The following SLC8A1 variants were observed in gnomAD, a reference collection of about 807,000 sequenced individuals.
SLC8A1 encodes solute carrier family 8 member A1.
SLC8A1 carries 18 observed loss-of-function variants against 68.3 expected under a neutral mutation model. That is an observed-to-expected ratio of 0.26 (90% CI 0.18 to 0.39). The LOEUF is 0.39. SLC8A1 is among the 10% of genes least tolerant of loss of function. SLC8A1 has a pLI of 1.00. For missense variants in SLC8A1, 985 were observed against 1,156.7 expected (o/e 0.85, Z 2.15); for synonymous variants, 475 against 415.5 (o/e 1.14, Z -1.74).
intron 6 of SLC8A1, among the ~76,000 whole-genome samples, chr2:40,159,104 C>G (rs2045180748): frequency 6.6e-6 from 1 of 152,172 alleles, no homozygotes; most frequent in African/African-American, 2.4e-5. Flanking sequence ...CTTAATAGGT[C>G]TATTGATGGG....
chr2:40,386,975 G>C (rs1683767231), intron 2 of SLC8A1, among the ~76,000 whole-genome samples: 3 of 151,294 alleles, frequency 2.0e-5, no homozygotes, highest in African/African-American at 2.5e-5. Flanking sequence ...GTGTACACTT[G>C]AATAAAGAGA....
chr2:40,105,994 A>T (rs1167003642), exon 8 of SLC8A1: 1 of 152,190 alleles, frequency 6.6e-6, no homozygotes, highest in Non-Finnish European at 1.5e-5. Flanking sequence ...TTGGGCGCTG[A>T]TGTGTTAATG....
chr2:40,239,013 G>C (rs1350415452), intron 2 of SLC8A1, among the ~76,000 whole-genome samples: 1 of 151,330 alleles, frequency 6.6e-6, no homozygotes, highest in African/African-American at 2.4e-5. Flanking sequence ...TATTGAGGCA[G>C]TATAGTTCCC....
intron 2 of SLC8A1, among the ~76,000 whole-genome samples, chr2:40,271,909 C>T (rs12617082): frequency 1.1e-4 from 17 of 151,832 alleles, no homozygotes; most frequent in African/African-American, 3.6e-4. Flanking sequence ...CTCTGTTGCC[C>T]GGGCTGGAAT....
In SLC8A1 at chr2:40,205,312, C is replaced by G. The variant is rs531843257; in HGVS notation, c.1809-27457G>C. ...AAAGTGCTAGGGGCAAAATAAGGCC[C>G]TCTCTCTAGCCTATTGACCCATTTT... On this transcript the variant is annotated intron_variant, in intron 2 of 7. Coordinates refer to ENST00000406785, the Ensembl canonical transcript of SLC8A1. Among the ~76,000 whole-genome samples the G allele has an allele frequency of 1.6e-3, 245 of 151,934 alleles. 1 individual carries two copies. The highest frequency in any genetic ancestry group is 3.4e-3 in the Middle Eastern group (1 of 294).
rs140010035 is a variant in SLC8A1, at chr2:40,477,498, G to A, written c.-25+34851C>T. On this transcript the variant is annotated intron_variant, in intron 1 of 7. Coordinates refer to the SLC8A1 transcript ENST00000402441. ...GTCACTTAAACAATGTCTTAGATAC[G>A]AACCCTCAACTTTTCAAGCACCACC... Among the ~76,000 whole-genome samples, 331 of 152,102 alleles carry A rather than the reference G, an allele frequency of 2.2e-3. 1 individual carries two copies. The highest frequency in any genetic ancestry group is 7.9e-3 in the South Asian group (38 of 4,816).
intron 1 of SLC8A1, among the ~76,000 whole-genome samples, chr2:40,441,493 C>T (rs1264882747): frequency 6.6e-6 from 1 of 151,982 alleles, no homozygotes; most frequent in Non-Finnish European, 1.5e-5. Flanking sequence ...GGGGGCATCA[C>T]ACTACCTGAC....
intron 2 of SLC8A1, among the ~76,000 whole-genome samples, chr2:40,365,591 A>G (rs781174134): frequency 1.3e-4 from 20 of 152,072 alleles, no homozygotes; most frequent in Non-Finnish European, 2.4e-4. Context: ...CTTCAGAAAT[A>G]TTGCTTCTTG....
chr2:40,241,562 A>G (rs1345862468), intron 2 of SLC8A1, among the ~76,000 whole-genome samples: 5 of 152,200 alleles, frequency 3.3e-5, no homozygotes, highest in African/African-American at 1.2e-4. Context: ...GACCATAAAT[A>G]CCTGTCCCCC....
intron 2 of SLC8A1, among the ~76,000 whole-genome samples, chr2:40,351,489 C>G (rs1343331365): frequency 6.6e-6 from 1 of 151,950 alleles, no homozygotes; most frequent in Non-Finnish European, 1.5e-5. Context: ...TTGTCTGCCC[C>G]TCCTGTGATG....
At chr2:40,349,414 C>T (rs547387052) in intron 2 of SLC8A1, among the ~76,000 whole-genome samples, 57 of 152,308 alleles carry the variant, frequency 3.7e-4, no homozygotes, top group Non-Finnish European at 7.1e-4. Flanking sequence ...AAAAATACTT[C>T]TGAGGTTAAA....
At chr2:40,326,864 A>G (rs1419298535) in intron 2 of SLC8A1, among the ~76,000 whole-genome samples, 1 of 152,206 alleles carries the variant, frequency 6.6e-6, no homozygotes, top group Non-Finnish European at 1.5e-5. Context: ...GATTGTGTGG[A>G]AACAAGAGAA....
intron 2 of SLC8A1, chr2:40,220,013 CTTATGTATAATTTT>C (rs2058086289): frequency 1.3e-5 from 2 of 149,900 alleles, no homozygotes; most frequent in African/African-American, 4.9e-5. Flanking sequence ...ATCTCTATTT[CTTATGTATAATTTT>C]TTATCTCAGG....
chr2:40,397,781 T>C (rs375926775), intron 2 of SLC8A1, among the ~76,000 whole-genome samples: 2 of 152,150 alleles, frequency 1.3e-5, no homozygotes, highest in African/African-American at 4.8e-5. Context: ...AAGAAAAATA[T>C]TATCTTTCTT....
intron 2 of SLC8A1, among the ~76,000 whole-genome samples, chr2:40,374,645 G>A (rs1473549376): frequency 1.3e-5 from 2 of 151,990 alleles, no homozygotes; most frequent in Non-Finnish European, 2.9e-5. Flanking sequence ...AGTGAACCAA[G>A]GTGATGGTGG....
At chr2:40,348,756 T>C (rs1340885913) in intron 2 of SLC8A1, among the ~76,000 whole-genome samples, 7 of 152,014 alleles carry the variant, frequency 4.6e-5, no homozygotes, top group Non-Finnish European at 1.0e-4. Flanking sequence ...TGACTCTTGG[T>C]GGTTTCACCA....
intron 2 of SLC8A1, among the ~76,000 whole-genome samples, chr2:40,288,773 T>C (rs2068748707): frequency 6.6e-6 from 1 of 151,294 alleles, no homozygotes; most frequent in African/African-American, 2.5e-5. Flanking sequence ...GAACAAATAC[T>C]TTTTTGATCC....
At chr2:40,480,863 A>G (rs1704582935) in intron 1 of SLC8A1, among the ~76,000 whole-genome samples, 1 of 152,226 alleles carries the variant, frequency 6.6e-6, no homozygotes, top group Admixed American at 6.5e-5. Context: ...ACCAGCAGCC[A>G]CTGACTTACA....
chr2:40,394,080 G>A (rs1183273962), intron 2 of SLC8A1, among the ~76,000 whole-genome samples: 1 of 151,968 alleles, frequency 6.6e-6, no homozygotes, highest in East Asian at 1.9e-4. Flanking sequence ...CAGGAATGCT[G>A]CTAAACATCC....
Sources: gnomAD v4.1 joint callset for allele counts (sites outside exome capture counted in the v4.1 genomes callset) on GRCh38, gnomAD v4.1.1 for gene constraint, MANE v1.5 for transcripts, NCBI Gene and HGNC (gene_info 2026-07-23, HGNC 2026-07-21) for gene names.